TTK: variants seen among roughly 807,000 people sequenced by gnomAD.
The protein encoded by TTK is dual specificity protein kinase TTK.
Under a neutral mutation model 117.3 loss-of-function variants are expected in TTK, and 59 were observed. The observed-to-expected ratio is 0.50, with a 90% confidence interval of 0.41 to 0.62. The LOEUF is 0.62. Ranked by LOEUF, TTK falls within the 20% of genes least tolerant of loss-of-function variation. TTK has a pLI of 0.00. For synonymous variants in TTK, 302 were observed against 325.0 expected (o/e 0.93, Z 0.76); for missense variants, 921 against 989.4 (o/e 0.93, Z 0.93).
In TTK at chr6:80,011,442, G is replaced by A. The variant is rs1382324268; in HGVS notation, c.622G>A (p.Val208Ile). The change falls in exon 6 of 22, where the codon GTA (valine) becomes ATA (isoleucine). Residue 208 changes from valine (V) to isoleucine (I), a missense_variant. Physicochemically the swap from Val to Ile is conservative, Grantham distance 29. Coordinates refer to ENST00000369798, the MANE Select transcript of TTK (RefSeq NM_003318.5). ...EEKKNLSASTVLTAQESFSGS... is the reference protein window; with the variant it reads ...EEKKNLSASTILTAQESFSGS... ...TTTCAAAATTTTTACAGCATCTACG[G>A]TATTAACTGCCCAAGAATCATTTTC... 2.5e-6 allele frequency: 4 copies of A among 1,590,852 alleles called. No individual in the cohort carries two copies. Among genetic ancestry groups the A allele is most frequent in the Admixed American group, 1.9e-5 (1 of 53,562 alleles).
rs1260898018 is a variant in TTK at position 80,010,864 on chromosome 6, G to A, written c.520G>A (p.Ala174Thr). ...TCTTCAAAAAGCTGTAGAACGTGGA[G>A]CAGTACCACTAGAAATGCTGGAAAT... ...QLLQKAVERG[A>T]VPLEMLEIAL... Residue 174 changes from alanine to threonine, a missense_variant, in exon 5 of 22, where the codon GCA becomes ACA. Physicochemically the swap from Ala to Thr is moderately conservative, Grantham distance 58 (BLOSUM62 0). Coordinates refer to ENST00000369798, the MANE Select transcript of TTK (RefSeq NM_003318.5). 6.2e-7 allele frequency: 1 copy of A among 1,612,296 alleles called. No homozygotes were observed. Among genetic ancestry groups the A allele is most frequent in the South Asian group, 1.1e-5 (1 of 91,006 alleles).
At position 80,011,506 on chromosome 6, in the gene TTK, G is replaced by C; in HGVS notation, c.686G>C (p.Cys229Ser). 6.2e-7 allele frequency: 1 copy of C among 1,610,252 alleles called. No individual in the cohort carries two copies. The part of the protein sequence containing the change: ...LGHLQNRNNS[C>S]DSRGQTTKAR... ...CATTTACAGAATAGGAACAACAGTTGTGATTCCAGAGGACAGACTACTAAA... is the reference window on the plus strand; with the variant it reads ...CATTTACAGAATAGGAACAACAGTTCTGATTCCAGAGGACAGACTACTAAA... The change falls in exon 6 of 22, where the codon TGT becomes TCT. Residue 229 changes from cysteine to serine, a missense_variant. Transcript: ENST00000369798.
At chr6:80,017,344 C>T (rs1215164840) in intron 10 of TTK, among the ~76,000 whole-genome samples, 1 of 152,204 alleles carries the variant, frequency 6.6e-6, no homozygotes, top group Non-Finnish European at 1.5e-5. Flanking sequence ...GTGGTGCAAT[C>T]ACAGCTCATT....
intron 4 of TTK, among the ~76,000 whole-genome samples, chr6:80,009,725 G>T (rs570039839): frequency 1.3e-5 from 2 of 152,194 alleles, no homozygotes; most frequent in East Asian, 3.9e-4. Flanking sequence ...CAGTAATGCA[G>T]TGTGGTCAAA....
intron 10 of TTK, among the ~76,000 whole-genome samples, chr6:80,021,465 C>A (rs1767456869): frequency 6.6e-6 from 1 of 152,202 alleles, no homozygotes; most frequent in African/African-American, 2.4e-5. Context: ...AAGTCCGGCT[C>A]TTCACAACAC....
In TTK at chr6:80,040,226, A is replaced by T; in HGVS notation, c.2338A>T (p.Ile780Leu). 1 of 1,592,238 alleles carries T rather than the reference A, an allele frequency of 6.3e-7. No homozygotes were observed. The highest frequency in any genetic ancestry group is 8.5e-7 in the Non-Finnish European group (1 of 1,170,242). ...CCLKRDPKQRISIPELLAHPY... is the reference protein window; with the variant it reads ...CCLKRDPKQRLSIPELLAHPY... ...TTTAAAAAGGGACCCAAAACAGAGG[A>T]TATCCATTCCTGAGCTCCTGGCTCA... is the stretch of plus-strand genomic sequence containing the variant. The change falls in exon 20 of 22, where the codon ATA becomes TTA. Residue 780 changes from isoleucine to leucine, a missense_variant. Physicochemically the swap from Ile to Leu is conservative, Grantham distance 5 (BLOSUM62 2). Coordinates refer to ENST00000369798, the MANE Select transcript of TTK (RefSeq NM_003318.5).
At position 80,039,893 on chromosome 6, in the gene TTK, C is replaced by G. The variant is rs1348677689; in HGVS notation, c.2307+21C>G. On this transcript the variant is annotated intron_variant, in intron 19 of 21. Coordinates refer to ENST00000369798, the MANE Select transcript of TTK (RefSeq NM_003318.5). ...TAAAGGTAATATTAATTTCATGTAACTAATTATTTACTTAAAAGAAATAGT... is the reference window on the plus strand; with the variant it reads ...TAAAGGTAATATTAATTTCATGTAAGTAATTATTTACTTAAAAGAAATAGT... 7 of 1,449,916 alleles carry G rather than the reference C, an allele frequency of 4.8e-6. No individual in the cohort carries two copies. In the Admixed American group the frequency reaches 7.2e-5, roughly 15 times the overall value. The allele number at this position is 1,449,916 out of a possible 1,614,324, so 89.8% of individuals were successfully genotyped here.
chr6:80,014,507 A>G lies in TTK; in HGVS notation c.1029A>G (p.Glu343=), dbSNP rs1767251960. The change falls in exon 10 of 22, where the codon GAA becomes GAG. Residue 343 remains glutamate (E), a synonymous_variant. Transcript: ENST00000369798. The part of the protein sequence containing the change: ...SHFKEPLVSD[E]KSSELIITDS... ...TCAAGGAACCTCTGGTGTCAGATGA[A>G]AAGAGTTCTGAACTTATTATTACTG... is the stretch of plus-strand genomic sequence containing the variant. 2 of 1,610,166 alleles carry G rather than the reference A, an allele frequency of 1.2e-6. No homozygotes were observed. Among genetic ancestry groups the G allele is most frequent in the East Asian group, 4.5e-5 (2 of 44,698 alleles).
At chr6:80,025,807 G>A (rs995543180) in intron 11 of TTK, among the ~76,000 whole-genome samples, 3 of 151,746 alleles carry the variant, frequency 2.0e-5, no homozygotes, top group Admixed American at 6.6e-5. Flanking sequence ...CTGCTGCAGC[G>A]GATGTTCCTT....
intron 4 of TTK, 32 bp from the exon 5 acceptor site, chr6:80,010,770 GCATTTTACTGCC>G (rs1562011553): frequency 1.9e-6 from 3 of 1,577,296 alleles, no homozygotes; most frequent in Non-Finnish European, 1.7e-6. Context: ...TGGGTGGTGG[GCATTTTACTGCC>G]TAAAAATGAC....
In TTK at chr6:80,035,106, A is replaced by G. The variant is rs767444929; in HGVS notation, c.1736A>G (p.Gln579Arg). Residue 579 changes from glutamine to arginine, a missense_variant, in exon 15 of 22, where the codon CAA (glutamine) becomes CGA (arginine). Gln to Arg is a conservative substitution (Grantham distance 43). Transcript: ENST00000369798. ...RNEIAYLNKL[Q>R]QHSDKIIRLY... Reference sequence around the variant, plus strand: ...GAAATAGCTTATTTGAATAAACTACAACAACACAGTGATAAGATCATCCGA... The same window carrying G: ...GAAATAGCTTATTTGAATAAACTACGACAACACAGTGATAAGATCATCCGA... 4 of 1,587,174 alleles carry G rather than the reference A, an allele frequency of 2.5e-6. No homozygotes were observed. In the Admixed American group the frequency reaches 5.7e-5, roughly 23 times the overall value.
intron 8 of TTK, 98 bp downstream of exon 8, chr6:80,012,078 T>A (rs1051137201): frequency 1.7e-5 from 15 of 901,148 alleles, no homozygotes; most frequent in Non-Finnish European, 2.2e-5. Flanking sequence ...TAATTATGAT[T>A]AAATTTTTAT....
intron 4 of TTK, among the ~76,000 whole-genome samples, chr6:80,009,197 T>A (rs943080431): frequency 3.3e-5 from 5 of 152,076 alleles, no homozygotes; most frequent in Non-Finnish European, 7.4e-5. Flanking sequence ...CTGCCTTGTT[T>A]CTGCTACAAC....
intron 9 of TTK, 112 bp downstream of exon 9, chr6:80,013,478 C>T: frequency 1.2e-6 from 1 of 844,920 alleles, no homozygotes; most frequent in Non-Finnish European, 1.9e-6. Flanking sequence ...GTATCTCCAA[C>T]AGTGTTCCAC....
At chr6:80,006,150 G>T in intron 2 of TTK, 168 bp downstream of exon 2, 1 of 832,208 alleles carries the variant, frequency 1.2e-6, no homozygotes, top group Admixed American at 2.1e-5. Flanking sequence ...TATATCCACA[G>T]AACTTTGAAT....
chr6:80,027,966 GC>G lies in TTK; in HGVS notation c.1477del (p.Gln493SerfsTer17). ...TPYGQPACFQ[Q>X]QQHQILATPL... ...CTTATGGCCAACCTGCCTGTTTCCA[GC>G]AGCAACAGCATCAAATACTTGCCAC... On this transcript the variant is annotated frameshift_variant, in exon 13 of 22. Coordinates refer to ENST00000369798, the MANE Select transcript of TTK (RefSeq NM_003318.5). LOFTEE classifies it high-confidence loss of function. 1 of 1,607,006 alleles carries G rather than the reference GC, an allele frequency of 6.2e-7. No homozygotes were observed. The highest frequency in any genetic ancestry group is 8.5e-7 in the Non-Finnish European group (1 of 1,175,950).
chr6:80,029,808 T>C (rs758839071), intron 13 of TTK, among the ~76,000 whole-genome samples: 5 of 152,218 alleles, frequency 3.3e-5, no homozygotes, highest in Non-Finnish European at 5.9e-5. Flanking sequence ...CGGGAAGTCC[T>C]GTGGAGGAAA....
intron 11 of TTK, among the ~76,000 whole-genome samples, chr6:80,025,393 G>T (rs567461931): frequency 6.6e-6 from 1 of 152,180 alleles, no homozygotes; most frequent in Non-Finnish European, 1.5e-5. Context: ...TCTCAAGTGC[G>T]TAATGAGGAC....
chr6:80,007,838 A>G lies in TTK; in HGVS notation c.169A>G (p.Met57Val), dbSNP rs770723697. ...CTCGGGAACTGTTAACCAAATTATGATGATGGCAAACAACCCAGAGGACTG... is the reference window on the plus strand; with the variant it reads ...CTCGGGAACTGTTAACCAAATTATGGTGATGGCAAACAACCCAGAGGACTG... ...DNSGTVNQIM[M>V]MANNPEDWLS... is the part of the protein sequence containing the mutation. The change falls in exon 3 of 22, where the codon ATG becomes GTG. Residue 57 changes from methionine (M) to valine (V), a missense_variant. Met to Val is a conservative substitution (Grantham distance 21, BLOSUM62 1). Coordinates refer to ENST00000369798, the MANE Select transcript of TTK (RefSeq NM_003318.5). The G allele has an allele frequency of 2.5e-5, 41 of 1,612,098 alleles. No individual in the cohort carries two copies. Among genetic ancestry groups the G allele is most frequent in the South Asian group, 2.4e-4 (22 of 90,764 alleles).
Sources: allele counts gnomAD v4.1 joint callset (sites outside exome capture counted in the v4.1 genomes callset), GRCh38; gene constraint gnomAD v4.1.1; transcripts MANE v1.5; gene names NCBI Gene and HGNC (gene_info 2026-07-23, HGNC 2026-07-21).